Variants in ARHGEF9 observed in about 807,000 individuals in gnomAD.
The protein encoded by ARHGEF9 is Cdc42 guanine nucleotide exchange factor 9, also known as rho guanine nucleotide exchange factor 9.
In ARHGEF9, 2 loss-of-function variants were observed where a neutral mutation model predicts 41.3. The ratio of observed to expected loss-of-function variants is 0.05; its 90% CI spans 0.02 to 0.15. The LOEUF is 0.15. ARHGEF9 is among the 10% of genes least tolerant of loss of function. ARHGEF9 has a pLI of 1.00. For synonymous variants in ARHGEF9, 160 were observed against 154.4 expected, an observed-to-expected ratio of 1.04 and a Z score of -0.27; for missense variants, 225 against 424.7, an observed-to-expected ratio of 0.53 and a Z score of 4.13.
At chrX:63,686,326 G>A (rs1364133280) in intron 4 of ARHGEF9, among the ~76,000 whole-genome samples, 1 of 111,397 alleles carries the variant, frequency 9.0e-6, no homozygotes, top group East Asian at 2.8e-4. Context: ...TTGAACACAT[G>A]GAGGTAGAGG....
At chrX:63,698,094 GACACATTT>G (rs2051890348) in intron 3 of ARHGEF9, among the ~76,000 whole-genome samples, 1 of 104,275 alleles carries the variant, frequency 9.6e-6, no homozygotes. Flanking sequence ...AGGTGTTTAG[GACACATTT>G]ATAAATTTAT....
At chrX:63,657,310 T>C (rs1243042660) in intron 7 of ARHGEF9, 1 of 111,987 alleles carries the variant, frequency 8.9e-6, no homozygotes, top group African/African-American at 3.2e-5. Flanking sequence ...GGATCTTCTT[T>C]TGCCCACTCA....
intron 8 of ARHGEF9, among the ~76,000 whole-genome samples, chrX:63,651,865 G>A (rs1464056578): frequency 5.5e-5 from 6 of 109,284 alleles, no homozygotes; most frequent in Non-Finnish European, 9.5e-5. Context: ...AAGGGTATGA[G>A]GCAATTCACA....
chrX:63,647,343 T>C (rs1462463125), intron 8 of ARHGEF9, among the ~76,000 whole-genome samples: 1 of 111,976 alleles, frequency 8.9e-6, no homozygotes, highest in Admixed American at 9.5e-5. Flanking sequence ...TTTTTGCCCA[T>C]TCGGTATGAT....
rs371605184 is a variant in ARHGEF9 at position 63,638,167 on chromosome X, G to A, written c.1433C>T (p.Pro478Leu). Residue 478 changes from proline (P) to leucine (L), a missense_variant, in exon 10 of 10, where the codon CCG becomes CTG. By Grantham distance (98) the Pro-to-Leu change is moderately conservative (BLOSUM62 -3). Transcript: ENST00000671741. ...CTGGCCGTGGTTTAACGGGTCCTGCGGTGGTGGGTAGGAAGGAGGAACTGA... is the reference window on the plus strand; with the variant it reads ...CTGGCCGTGGTTTAACGGGTCCTGCAGTGGTGGGTAGGAAGGAGGAACTGA... The part of the protein sequence containing the change: ...ARSVPPSYPP[P>L]QDPLNHGQYL... The A allele has an allele frequency of 1.6e-5, 19 of 1,195,420 alleles. No homozygotes were observed. The African/African-American group carries it at 2.1e-4, about 13-fold the overall frequency.
intron 4 of ARHGEF9, 61 bp downstream of exon 4, chrX:63,697,064 C>T (rs1469549035): frequency 1.3e-5 from 15 of 1,139,217 alleles, no homozygotes; most frequent in East Asian, 9.5e-5. Context: ...ACAGCTCAAA[C>T]GCTCCTTCCA....
chrX:63,764,079 G>T (rs1332493805), intron 1 of ARHGEF9, among the ~76,000 whole-genome samples: 4 of 111,895 alleles, frequency 3.6e-5, no homozygotes, highest in Non-Finnish European at 7.5e-5. Context: ...TCTGACAAAG[G>T]TCTAATATCC....
At position 63,635,698 on chromosome X, in the gene ARHGEF9, C is replaced by T; in HGVS notation, c.*2330G>A. 3 of 250,330 alleles carry T rather than the reference C, an allele frequency of 1.2e-5. No individual in the cohort carries two copies. The highest frequency in any genetic ancestry group is 2.1e-5 in the Non-Finnish European group (3 of 144,788). The allele number at this position is 250,330 out of a possible 1,213,427, so 20.6% of individuals were successfully genotyped here. A position where few individuals can be genotyped will look rare whatever the true frequency, so the allele number is the denominator to read the frequency against. ...ATCCTGGAGCCCTGGGCAGAAGCCC[C>T]AAGGAGGGAGGAAATGAGAGGGCCT... On this transcript the variant is annotated 3_prime_UTR_variant, in exon 10 of 10. Coordinates refer to ENST00000671741, the MANE Select transcript of ARHGEF9 (RefSeq NM_001353921.2).
chrX:63,763,986 A>G (rs1458676017), intron 1 of ARHGEF9, among the ~76,000 whole-genome samples: 1 of 112,024 alleles, frequency 8.9e-6, no homozygotes, highest in Non-Finnish European at 1.9e-5. Context: ...AAAGTACTCT[A>G]TGGAATGAAA....
At chrX:63,709,191 A>T (rs1435091201) in intron 2 of ARHGEF9, 3 of 112,400 alleles carry the variant, frequency 2.7e-5, no homozygotes, top group Non-Finnish European at 5.6e-5. Flanking sequence ...GACAAGTAAG[A>T]AGATAGACAA....
At chrX:63,774,511 C>T (rs1311978663) in intron 1 of ARHGEF9, among the ~76,000 whole-genome samples, 5 of 111,571 alleles carry the variant, frequency 4.5e-5, no homozygotes, top group African/African-American at 1.6e-4. Flanking sequence ...GTTCTAGCCC[C>T]AGTACACATT....
At chrX:63,767,308 G>C in intron 1 of ARHGEF9, 1 of 690,643 alleles carries the variant, frequency 1.4e-6, no homozygotes, top group Non-Finnish European at 2.3e-6. Flanking sequence ...AGAAAATTTT[G>C]ATGAGGCTTC....
At chrX:63,700,555 T>C (rs1227512842) in intron 3 of ARHGEF9, among the ~76,000 whole-genome samples, 1 of 111,421 alleles carries the variant, frequency 9.0e-6, no homozygotes, top group African/African-American at 3.3e-5. Flanking sequence ...AGAAATATAT[T>C]GAGAGGCAAA....
rs185054549 is a variant in ARHGEF9 at position 63,733,087 on chromosome X, T to C, written c.31-8376A>G. ...TGTTATTCTTCAAATAACCAGAGTA[T>C]ATACTTCTGAATGATAGGTCTAAAA... is the stretch of plus-strand genomic sequence containing the variant. On this transcript the variant is annotated intron_variant, in intron 1 of 9. Transcript: ENST00000671741. Among the ~76,000 whole-genome samples, 251 of 112,158 alleles carry C rather than the reference T, an allele frequency of 2.2e-3. 1 individual carries two copies. The highest frequency in any genetic ancestry group is 7.6e-3 in the African/African-American group (236 of 30,867).
At chrX:63,707,492 G>A (rs1456944093) in intron 2 of ARHGEF9, 1 of 110,555 alleles carries the variant, frequency 9.0e-6, no homozygotes, top group Non-Finnish European at 1.9e-5. Context: ...ACAGTCCTAG[G>A]AAGTGGGGAA....
chrX:63,637,844 CTCTG>C lies in ARHGEF9; in HGVS notation c.*180_*183del, dbSNP rs1303200518. 242 of 343,491 alleles carry C rather than the reference CTCTG, an allele frequency of 7.0e-4. 1 individual carries two copies. In the African/African-American group the frequency reaches 8.6e-3, roughly 12 times the overall value. 28.3% of individuals were successfully genotyped at this position (343,491 alleles called of 1,213,427 possible). On this transcript the variant is annotated 3_prime_UTR_variant, in exon 10 of 10. Coordinates refer to ENST00000671741, the MANE Select transcript of ARHGEF9 (RefSeq NM_001353921.2). ...CAGAAAACACTTTTGTTCCTTATCT[CTCTG>C]TGTGTGTGTGTGTGTGTGTGTGTGT...
At chrX:63,732,064 T>C (rs1417181936) in intron 1 of ARHGEF9, 3 of 112,090 alleles carry the variant, frequency 2.7e-5, no homozygotes, top group Non-Finnish European at 5.6e-5. Flanking sequence ...ATGAGAACTT[T>C]TTCCTGAAGA....
intron 1 of ARHGEF9, among the ~76,000 whole-genome samples, chrX:63,751,757 G>C (rs1312542565): frequency 1.8e-5 from 2 of 111,264 alleles, no homozygotes; most frequent in Non-Finnish European, 3.8e-5. Context: ...GCACAAGGAG[G>C]CTATTCAGAA....
At chrX:63,731,668 T>C (rs1556420159) in intron 1 of ARHGEF9, among the ~76,000 whole-genome samples, 1 of 106,850 alleles carries the variant, frequency 9.4e-6, no homozygotes, top group African/African-American at 3.4e-5. Flanking sequence ...CAAGTGATTC[T>C]CCTGCCTCAG....
Sources: allele counts gnomAD v4.1 joint callset (sites outside exome capture counted in the v4.1 genomes callset), GRCh38; gene constraint gnomAD v4.1.1; transcripts MANE v1.5; gene names NCBI Gene and HGNC (gene_info 2026-07-23, HGNC 2026-07-21).